The following PITPNC1 variants were observed in gnomAD, a reference collection of about 807,000 sequenced individuals.
PITPNC1 encodes the protein phosphatidylinositol transfer protein cytoplasmic 1, also known as cytoplasmic phosphatidylinositol transfer protein 1.
Under a neutral mutation model 44.7 loss-of-function variants are expected in PITPNC1, and 18 were observed. The observed-to-expected ratio is 0.40, with a 90% CI of 0.28 to 0.60. PITPNC1 has a LOEUF of 0.60. Among genes scored for constraint, PITPNC1 ranks in the 20% least tolerant of loss-of-function variants. The probability of loss-of-function intolerance (pLI) is 0.39; values close to 1 mark genes in which losing one functional copy is unlikely to be tolerated. For synonymous variants in PITPNC1, 141 were observed against 149.6 expected (o/e 0.94, Z 0.42); for missense variants, 290 against 418.4 (o/e 0.69, Z 2.68).
chr17:67,472,920 G>C (rs2039565637), intron 1 of PITPNC1, among the ~76,000 whole-genome samples: 1 of 151,616 alleles, frequency 6.6e-6, no homozygotes, highest in Non-Finnish European at 1.5e-5. Context: ...CTGTAGCCCA[G>C]GCTGGAGTGC....
intron 1 of PITPNC1, among the ~76,000 whole-genome samples, chr17:67,425,098 T>C (rs2038727318): frequency 1.3e-5 from 2 of 151,792 alleles, no homozygotes; most frequent in South Asian, 2.1e-4. Context: ...TCCCAAAACC[T>C]GTAAGAACTA....
chr17:67,494,185 TTTTCTTTC>T (rs1555657747), intron 1 of PITPNC1, among the ~76,000 whole-genome samples: 23 of 102,496 alleles, frequency 2.2e-4, no homozygotes, highest in East Asian at 1.7e-3. Context: ...CTTTCTTTCT[TTTTCTTTC>T]TTTCTTTCTT....
chr17:67,543,307 G>A (rs765425161), intron 2 of PITPNC1, among the ~76,000 whole-genome samples: 3 of 152,178 alleles, frequency 2.0e-5, no homozygotes, highest in African/African-American at 7.2e-5. Flanking sequence ...TCCACCACTT[G>A]TTCCAAAATC....
chr17:67,431,396 G>A (rs189434022), intron 1 of PITPNC1, among the ~76,000 whole-genome samples: 14 of 152,052 alleles, frequency 9.2e-5, no homozygotes, highest in Admixed American at 8.5e-4. Flanking sequence ...CCCTCTTTCT[G>A]CGTTTTCTCC....
At chr17:67,653,593 C>A (rs1424245954) in intron 6 of PITPNC1, among the ~76,000 whole-genome samples, 1 of 152,170 alleles carries the variant, frequency 6.6e-6, no homozygotes, top group Non-Finnish European at 1.5e-5. Context: ...AACGAATAGA[C>A]TAGTGGAACC....
chr17:67,412,028 T>G (rs2038506779), intron 1 of PITPNC1, among the ~76,000 whole-genome samples: 1 of 152,158 alleles, frequency 6.6e-6, no homozygotes, highest in Non-Finnish European at 1.5e-5. Flanking sequence ...CTAATCTTCA[T>G]TTCAACCTCT....
chr17:67,675,844 A>G (rs1241897255), intron 8 of PITPNC1, among the ~76,000 whole-genome samples: 1 of 152,132 alleles, frequency 6.6e-6, no homozygotes, highest in Admixed American at 6.6e-5. Context: ...ATTTATCCCA[A>G]ACTTCAAGAT....
chr17:67,632,301 T>G, intron 6 of PITPNC1, 63 bp downstream of exon 6: 1 of 1,047,258 alleles, frequency 9.5e-7, no homozygotes. Context: ...CAACTATTTC[T>G]TAAGTGCCTC....
intron 5 of PITPNC1, among the ~76,000 whole-genome samples, chr17:67,605,316 G>A (rs1016127933): frequency 3.3e-5 from 5 of 152,300 alleles, no homozygotes; most frequent in East Asian, 1.9e-4. Context: ...CTCCCTGCAT[G>A]GAGAAGGAGA....
chr17:67,560,664 G>A (rs182777766), intron 4 of PITPNC1, among the ~76,000 whole-genome samples: 51 of 152,308 alleles, frequency 3.3e-4, no homozygotes, highest in Non-Finnish European at 6.0e-4. Flanking sequence ...TTAGTGCCTG[G>A]TGAAGCAGGA....
intron 6 of PITPNC1, among the ~76,000 whole-genome samples, chr17:67,645,426 T>C (rs2144357264): frequency 6.6e-6 from 1 of 152,010 alleles, no homozygotes; most frequent in African/African-American, 2.4e-5. Flanking sequence ...GACCAACCCC[T>C]GAGCTCAGAA....
chr17:67,621,456 C>T (rs1275089980), intron 5 of PITPNC1, among the ~76,000 whole-genome samples: 1 of 152,106 alleles, frequency 6.6e-6, no homozygotes, highest in Non-Finnish European at 1.5e-5. Flanking sequence ...GATCCACGTG[C>T]CTTGGCCTCC....
At chr17:67,395,443 C>T (rs1400976657) in intron 1 of PITPNC1, among the ~76,000 whole-genome samples, 1 of 152,216 alleles carries the variant, frequency 6.6e-6, no homozygotes, top group Non-Finnish European at 1.5e-5. Flanking sequence ...GCCACCACAC[C>T]TGGCCTGGAC....
At chr17:67,649,700 C>T (rs1598932223) in intron 6 of PITPNC1, among the ~76,000 whole-genome samples, 1 of 152,092 alleles carries the variant, frequency 6.6e-6, no homozygotes, top group African/African-American at 2.4e-5. Context: ...GCCTGGCCAA[C>T]AGAGTGAGAC....
intron 5 of PITPNC1, among the ~76,000 whole-genome samples, chr17:67,582,751 G>T (rs928169437): frequency 6.6e-6 from 1 of 152,336 alleles, no homozygotes; most frequent in East Asian, 1.9e-4. Flanking sequence ...ATACTTATGA[G>T]AATTACTTGG....
chr17:67,626,666 G>A (rs2041899179), intron 5 of PITPNC1, among the ~76,000 whole-genome samples: 2 of 152,048 alleles, frequency 1.3e-5, no homozygotes, highest in Non-Finnish European at 2.9e-5. Flanking sequence ...ACCATGCCCG[G>A]CCAGATAACT....
Position 67,598,946 on chromosome 17 carries a change from G to A in PITPNC1, c.366+20689G>A, listed in dbSNP as rs1323356128. 2.8e-5 allele frequency among the ~76,000 whole-genome samples: 4 copies of A among 142,840 alleles called. No individual in the cohort carries two copies. The South Asian group carries it at 9.0e-4, about 32-fold the overall frequency. 93.7% of individuals were successfully genotyped at this position (142,840 alleles called of 152,430 possible). ...TGATCCAGGAAGTGGGTCCTCACCTGATGCCAAATCTGCCTCGATCTTGGA... is the reference window on the plus strand; with the variant it reads ...TGATCCAGGAAGTGGGTCCTCACCTAATGCCAAATCTGCCTCGATCTTGGA... On this transcript the variant is annotated intron_variant, in intron 5 of 8. Transcript: ENST00000581322.
chr17:67,599,030 ATATATTT>A (rs1414548478), intron 5 of PITPNC1, among the ~76,000 whole-genome samples: 375 of 29,954 alleles, frequency 0.013, 1 homozygote, highest in Non-Finnish European at 0.016. Flanking sequence ...ATATATATAT[ATATATTT>A]TTTTTTTTTT....
At chr17:67,468,267 A>G (rs1396818762) in intron 1 of PITPNC1, among the ~76,000 whole-genome samples, 1 of 152,150 alleles carries the variant, frequency 6.6e-6, no homozygotes, top group Non-Finnish European at 1.5e-5. Context: ...TTTCAGGCTC[A>G]ATTAAGGAGC....
Sources: allele counts gnomAD v4.1 joint callset (sites outside exome capture counted in the v4.1 genomes callset), GRCh38; gene constraint gnomAD v4.1.1; transcripts MANE v1.5; gene names NCBI Gene and HGNC (gene_info 2026-07-23, HGNC 2026-07-21).